CSMD3: variants seen among roughly 807,000 people sequenced by gnomAD.
The protein encoded by CSMD3 is CUB and Sushi multiple domains 3.
A neutral mutation model predicts 435.2 loss-of-function variants in CSMD3; 177 were observed. The ratio of observed to expected loss-of-function variants is 0.41; its 90% confidence interval spans 0.36 to 0.46. CSMD3 has a LOEUF of 0.46. CSMD3 is among the 20% of genes least tolerant of loss of function. CSMD3 has a pLI of 0.34. For missense variants in CSMD3, 4,265 were observed against 4,504.6 expected, an observed-to-expected ratio of 0.95 and a Z score of 1.52; for synonymous variants, 1,656 against 1,520.5, an observed-to-expected ratio of 1.09 and a Z score of -2.07.
intron 10 of CSMD3, among the ~76,000 whole-genome samples, chr8:112,913,907 T>G (rs965139549): frequency 6.6e-6 from 1 of 151,954 alleles, no homozygotes; most frequent in Non-Finnish European, 1.5e-5. Context: ...ACCATATTCA[T>G]TTTTCTGCAG....
intron 4 of CSMD3, among the ~76,000 whole-genome samples, chr8:113,163,207 A>C (rs2092078570): frequency 6.6e-6 from 1 of 152,180 alleles, no homozygotes; most frequent in South Asian, 2.1e-4. Flanking sequence ...AAACATAGAG[A>C]TAAAACAATA....
At chr8:112,525,496 G>C (rs911022369) in intron 27 of CSMD3, among the ~76,000 whole-genome samples, 1 of 149,686 alleles carries the variant, frequency 6.7e-6, no homozygotes, top group African/African-American at 2.4e-5. Flanking sequence ...CGAGGCGGGC[G>C]GATCACGAGG....
chr8:113,160,375 A>T (rs1300945488), intron 4 of CSMD3, among the ~76,000 whole-genome samples: 1 of 151,996 alleles, frequency 6.6e-6, no homozygotes, highest in African/African-American at 2.4e-5. Context: ...AATGATGGTA[A>T]TATATTTTTA....
chr8:112,410,881 C>T (rs113528567), intron 32 of CSMD3, among the ~76,000 whole-genome samples: 38 of 150,074 alleles, frequency 2.5e-4, no homozygotes, highest in Non-Finnish European at 4.2e-4. Flanking sequence ...AGTCTAATCA[C>T]GGGAATTTTG....
intron 59 of CSMD3, among the ~76,000 whole-genome samples, chr8:112,270,266 T>G (rs1586603585): frequency 6.6e-6 from 1 of 151,476 alleles, no homozygotes; most frequent in East Asian, 1.9e-4. Flanking sequence ...CTAAAATCAT[T>G]GAAATGAACA....
chr8:112,982,585 T>C (rs2085093924), intron 6 of CSMD3, among the ~76,000 whole-genome samples: 1 of 151,960 alleles, frequency 6.6e-6, no homozygotes, highest in Non-Finnish European at 1.5e-5. Context: ...AGCTGGCAGC[T>C]CTCATGGAAG....
At chr8:112,293,838 A>T (rs1036174863) in intron 54 of CSMD3, among the ~76,000 whole-genome samples, 6 of 152,100 alleles carry the variant, frequency 3.9e-5, no homozygotes, top group African/African-American at 1.4e-4. Flanking sequence ...AAGAGCAATT[A>T]TTTTTCAGCT....
chr8:113,145,265 A>G (rs1372264717), intron 4 of CSMD3, among the ~76,000 whole-genome samples: 1 of 151,612 alleles, frequency 6.6e-6, no homozygotes, highest in Non-Finnish European at 1.5e-5. Context: ...ATGTAATGCA[A>G]TCACAGTGTT....
intron 59 of CSMD3, among the ~76,000 whole-genome samples, chr8:112,267,144 T>A (rs1458472854): frequency 6.6e-6 from 1 of 152,172 alleles, no homozygotes; most frequent in Non-Finnish European, 1.5e-5. Flanking sequence ...GTATTTATTA[T>A]GTTATCATTA....
intron 59 of CSMD3, among the ~76,000 whole-genome samples, chr8:112,275,273 C>A (rs559778756): frequency 1.3e-5 from 2 of 152,264 alleles, no homozygotes; most frequent in African/African-American, 4.8e-5. Flanking sequence ...TTAGGCTGGG[C>A]ACGGTGGCTC....
chr8:112,344,341 G>A (rs569424600), intron 41 of CSMD3, among the ~76,000 whole-genome samples: 6 of 152,268 alleles, frequency 3.9e-5, no homozygotes, highest in Admixed American at 2.0e-4. Context: ...CATTATGACT[G>A]TAACTTATTT....
intron 3 of CSMD3, among the ~76,000 whole-genome samples, chr8:113,190,010 C>T (rs1236623296): frequency 6.6e-6 from 1 of 151,466 alleles, no homozygotes; most frequent in East Asian, 1.9e-4. Flanking sequence ...AGAAATGACT[C>T]TTCATGTGTT....
chr8:113,092,643 C>G (rs920106612), intron 5 of CSMD3, among the ~76,000 whole-genome samples: 1 of 152,032 alleles, frequency 6.6e-6, no homozygotes, highest in Admixed American at 6.6e-5. Flanking sequence ...TTTGGGTTTT[C>G]CTTTTCCTTG....
chr8:113,189,268 AT>A (rs2092551633), intron 3 of CSMD3, among the ~76,000 whole-genome samples: 1 of 151,846 alleles, frequency 6.6e-6, no homozygotes, highest in South Asian at 2.1e-4. Flanking sequence ...TAAAAACCTA[AT>A]TGAAACCAAT....
chr8:112,401,615 A>G (rs2129929140), intron 35 of CSMD3, among the ~76,000 whole-genome samples: 1 of 152,282 alleles, frequency 6.6e-6, no homozygotes, highest in East Asian at 1.9e-4. Context: ...ACAAACCAAA[A>G]TGTCTATTTC....
intron 60 of CSMD3, 145 bp downstream of exon 60, chr8:112,265,266 A>T: frequency 7.2e-6 from 3 of 414,864 alleles, no homozygotes; most frequent in Non-Finnish European, 1.2e-5. Context: ...TAAAATTTTT[A>T]AGAAACAGCC....
At chr8:113,205,180 A>T (rs182894482) in intron 3 of CSMD3, among the ~76,000 whole-genome samples, 1 of 152,128 alleles carries the variant, frequency 6.6e-6, no homozygotes, top group Non-Finnish European at 1.5e-5. Context: ...ACGGGGTTTC[A>T]CCATGTTGGC....
chr8:112,414,201 T>C (rs532139117), intron 32 of CSMD3, among the ~76,000 whole-genome samples: 1 of 152,348 alleles, frequency 6.6e-6, no homozygotes, highest in South Asian at 2.1e-4. Context: ...CTGAATAGTC[T>C]ATTTGATACA....
intron 6 of CSMD3, among the ~76,000 whole-genome samples, chr8:113,003,196 G>A (rs1381328998): frequency 6.6e-6 from 1 of 152,090 alleles, no homozygotes; most frequent in East Asian, 1.9e-4. Context: ...AGTGAGCCAA[G>A]ATCGCACCAT....
Sources: gnomAD v4.1 joint callset for allele counts (sites outside exome capture counted in the v4.1 genomes callset) on GRCh38, gnomAD v4.1.1 for gene constraint, MANE v1.5 for transcripts, NCBI Gene and HGNC (gene_info 2026-07-23, HGNC 2026-07-21) for gene names.